PTPRD: variants seen among roughly 807,000 people sequenced by gnomAD.
PTPRD encodes the protein protein tyrosine phosphatase receptor type D, also known as receptor-type tyrosine-protein phosphatase delta.
A neutral mutation model predicts 214.5 loss-of-function variants in PTPRD; 34 were observed. That is an observed-to-expected ratio of 0.16 (90% CI 0.12 to 0.21). The LOEUF is 0.21. Among genes scored for constraint, PTPRD ranks in the 10% least tolerant of loss-of-function variants. PTPRD has a pLI of 1.00. For missense variants in PTPRD, 2,545 were observed against 2,398.7 expected (o/e 1.06, Z -1.27); for synonymous variants, 1,128 against 845.7 (o/e 1.33, Z -5.79).
At position 8,314,275 on chromosome 9, in the gene PTPRD, C is replaced by A. The variant is rs1240947031; in HGVS notation, c.*3599G>T. 1 of 215,814 alleles carries A rather than the reference C, an allele frequency of 4.6e-6. No homozygotes were observed. The highest frequency in any genetic ancestry group is 9.4e-6 in the Non-Finnish European group (1 of 106,750). 13.4% of individuals were successfully genotyped at this position (215,814 alleles called of 1,614,324 possible). On this transcript the variant is annotated 3_prime_UTR_variant, in exon 46 of 46. Transcript: ENST00000381196. Reference sequence around the variant, plus strand: ...TAACACTGACATTTTTATTAGAATTCATTTGTAACAAATGGAACTTGTGTC... The same window carrying A: ...TAACACTGACATTTTTATTAGAATTAATTTGTAACAAATGGAACTTGTGTC...
At chr9:9,253,710 G>T (rs2099976431) in intron 9 of PTPRD, among the ~76,000 whole-genome samples, 1 of 151,984 alleles carries the variant, frequency 6.6e-6, no homozygotes, top group Non-Finnish European at 1.5e-5. Context: ...CTTTCCTTTG[G>T]GTGAAATATT....
chr9:9,225,496 C>A (rs2133573250), intron 9 of PTPRD, among the ~76,000 whole-genome samples: 1 of 152,140 alleles, frequency 6.6e-6, no homozygotes, highest in East Asian at 1.9e-4. Flanking sequence ...TTGCTTTATG[C>A]CAAATTCCTT....
In PTPRD at chr9:9,729,332, T is replaced by C. The variant is rs576123875; in HGVS notation, c.-287+5201A>G. On this transcript the variant is annotated intron_variant, in intron 7 of 45. Transcript: ENST00000381196. The stretch of plus-strand genomic sequence containing the variant: ...TCAAATGCATGCCTCCTCTACAATC[T>C]CCTTTGCAGAGGAAGAGAAAGACTG... Among the ~76,000 whole-genome samples the C allele has an allele frequency of 2.0e-5, 3 of 152,088 alleles. No homozygotes were observed. The East Asian group carries it at 5.8e-4, about 29-fold the overall frequency.
At chr9:9,736,170 T>A (rs534778393) in intron 6 of PTPRD, among the ~76,000 whole-genome samples, 1 of 152,140 alleles carries the variant, frequency 6.6e-6, no homozygotes, top group Non-Finnish European at 1.5e-5. Context: ...TTGAATATAT[T>A]GTACACTGTA....
chr9:8,990,947 G>A (rs901785398), intron 11 of PTPRD, among the ~76,000 whole-genome samples: 14 of 152,066 alleles, frequency 9.2e-5, no homozygotes, highest in Admixed American at 2.0e-4. Flanking sequence ...AGGCACAGTG[G>A]CTCATGTCTG....
At chr9:10,349,882 G>A (rs866389007) in intron 2 of PTPRD, among the ~76,000 whole-genome samples, 3 of 151,980 alleles carry the variant, frequency 2.0e-5, no homozygotes, top group Non-Finnish European at 2.9e-5. Context: ...GGTAGGTCTC[G>A]AACTCCTGAC....
At chr9:10,257,534 G>C (rs2093373333) in intron 3 of PTPRD, among the ~76,000 whole-genome samples, 1 of 152,190 alleles carries the variant, frequency 6.6e-6, no homozygotes, top group Non-Finnish European at 1.5e-5. Context: ...GTAATGATAA[G>C]AATATCACAG....
At chr9:10,173,276 G>T (rs1255896950) in intron 3 of PTPRD, among the ~76,000 whole-genome samples, 1 of 152,058 alleles carries the variant, frequency 6.6e-6, no homozygotes, top group Non-Finnish European at 1.5e-5. Flanking sequence ...CCTTTGAAAA[G>T]AAATTAGAAA....
intron 5 of PTPRD, among the ~76,000 whole-genome samples, chr9:9,834,268 C>T (rs1396677340): frequency 1.3e-5 from 2 of 151,966 alleles, no homozygotes; most frequent in Non-Finnish European, 2.9e-5. Flanking sequence ...TACTATTGGA[C>T]TATGTAACAG....
intron 3 of PTPRD, among the ~76,000 whole-genome samples, chr9:10,072,603 G>A (rs2098046809): frequency 6.6e-6 from 1 of 152,016 alleles, no homozygotes; most frequent in Non-Finnish European, 1.5e-5. Flanking sequence ...TTCCATTTTT[G>A]TCCTATCAGA....
chr9:9,581,254 T>C (rs2090678808), intron 7 of PTPRD, among the ~76,000 whole-genome samples: 1 of 152,118 alleles, frequency 6.6e-6, no homozygotes, highest in South Asian at 2.1e-4. Context: ...GCATTATTTA[T>C]CAGACATGTC....
chr9:8,662,697 G>C (rs2154355812), intron 12 of PTPRD, among the ~76,000 whole-genome samples: 1 of 152,080 alleles, frequency 6.6e-6, no homozygotes, highest in East Asian at 1.9e-4. Context: ...CTCAAATCAG[G>C]ACCATTTTTT....
chr9:8,618,633 T>G (rs1323413391), intron 14 of PTPRD, among the ~76,000 whole-genome samples: 1 of 152,078 alleles, frequency 6.6e-6, no homozygotes. Context: ...CTGAAATGAC[T>G]TGCCCTCACC....
chr9:8,424,393 A>C (rs2094534256), intron 35 of PTPRD, among the ~76,000 whole-genome samples: 1 of 152,138 alleles, frequency 6.6e-6, no homozygotes, highest in Non-Finnish European at 1.5e-5. Flanking sequence ...ACCTTGAGTA[A>C]GTTACTTAAC....
chr9:8,578,261 T>C (rs10977210), intron 14 of PTPRD, among the ~76,000 whole-genome samples: 67,835 of 151,796 alleles, frequency 0.45, 15,801 homozygotes, highest in African/African-American at 0.6. Context: ...TGTTAGACAA[T>C]AGGGAAACTT....
At chr9:8,644,483 G>A (rs763695681) in intron 12 of PTPRD, among the ~76,000 whole-genome samples, 47 of 152,132 alleles carry the variant, frequency 3.1e-4, no homozygotes, top group Non-Finnish European at 5.1e-4. Context: ...ACACAAACAG[G>A]GCTGAAACAT....
At chr9:8,378,300 C>G (rs1417419895) in intron 37 of PTPRD, among the ~76,000 whole-genome samples, 1 of 151,928 alleles carries the variant, frequency 6.6e-6, no homozygotes. Context: ...GTAGAGTGAC[C>G]AGGCATGGGC....
At chr9:9,414,254 T>C (rs1304182515) in intron 8 of PTPRD, among the ~76,000 whole-genome samples, 2 of 152,236 alleles carry the variant, frequency 1.3e-5, no homozygotes, top group Non-Finnish European at 2.9e-5. Context: ...AATAGTACCA[T>C]GTCACAGAAA....
intron 2 of PTPRD, among the ~76,000 whole-genome samples, chr9:10,556,203 C>A (rs1440847233): frequency 6.6e-6 from 1 of 151,810 alleles, no homozygotes; most frequent in Non-Finnish European, 1.5e-5. Flanking sequence ...ATCTAAATGT[C>A]AAACTTTAGA....
Sources: gnomAD v4.1 joint callset for allele counts (sites outside exome capture counted in the v4.1 genomes callset) on GRCh38, gnomAD v4.1.1 for gene constraint, MANE v1.5 for transcripts, NCBI Gene and HGNC (gene_info 2026-07-23, HGNC 2026-07-21) for gene names.